Variants in RIMS2 observed in about 807,000 individuals in gnomAD.
The protein encoded by RIMS2 is regulating synaptic membrane exocytosis protein 2.
In RIMS2, 59 loss-of-function variants were observed where a neutral mutation model predicts 174.4. The ratio of observed to expected loss-of-function variants is 0.34; its 90% CI spans 0.27 to 0.42. The LOEUF (loss-of-function observed/expected upper bound fraction) is 0.42, where lower values mean the gene tolerates loss of function less well. RIMS2 is among the 10% of genes least tolerant of loss of function. RIMS2 has a pLI of 1.00. For missense variants in RIMS2, 1,620 were observed against 1,666.3 expected (o/e 0.97, Z 0.48); for synonymous variants, 606 against 572.5 (o/e 1.06, Z -0.84).
chr8:103,914,384 C>G (rs775644713), intron 6 of RIMS2, among the ~76,000 whole-genome samples: 5 of 152,028 alleles, frequency 3.3e-5, no homozygotes, highest in South Asian at 2.1e-4. Context: ...CTTACCTGTT[C>G]GATGAGGATA....
At chr8:104,032,015 G>GA (rs1335251706) in intron 19 of RIMS2, among the ~76,000 whole-genome samples, 2 of 151,840 alleles carry the variant, frequency 1.3e-5, no homozygotes, top group South Asian at 2.1e-4. Flanking sequence ...GTCCTTTAGG[G>GA]AAAAAATGAC....
chr8:104,001,886 T>C (rs996002438), intron 17 of RIMS2, among the ~76,000 whole-genome samples: 1 of 152,072 alleles, frequency 6.6e-6, no homozygotes, highest in African/African-American at 2.4e-5. Context: ...GTTGCTGTCA[T>C]TTGTTGAGCT....
intron 19 of RIMS2, among the ~76,000 whole-genome samples, chr8:104,028,381 A>G (rs1001153346): frequency 1.3e-5 from 2 of 152,174 alleles, no homozygotes; most frequent in Non-Finnish European, 2.9e-5. Context: ...TTAATCTACA[A>G]GTTAAAGATG....
At chr8:103,506,069 A>G (rs1017700903) in intron 1 of RIMS2, among the ~76,000 whole-genome samples, 27 of 152,104 alleles carry the variant, frequency 1.8e-4, no homozygotes, top group Non-Finnish European at 3.7e-4. Context: ...AAAAGTACCA[A>G]TTGAATCATG....
intron 3 of RIMS2, among the ~76,000 whole-genome samples, chr8:103,823,356 A>G (rs1242655985): frequency 2.0e-5 from 3 of 151,926 alleles, no homozygotes; most frequent in Non-Finnish European, 4.4e-5. Context: ...TAAGATAACC[A>G]TACGATCCAC....
chr8:103,700,059 A>G (rs192475808), intron 2 of RIMS2, among the ~76,000 whole-genome samples: 2 of 152,324 alleles, frequency 1.3e-5, no homozygotes, highest in East Asian at 3.9e-4. Context: ...TTTGGCCAGA[A>G]TATTTTAAAA....
intron 19 of RIMS2, among the ~76,000 whole-genome samples, chr8:104,182,327 T>C (rs2098944643): frequency 6.6e-6 from 1 of 151,822 alleles, no homozygotes; most frequent in African/African-American, 2.4e-5. Flanking sequence ...CATTGTACTT[T>C]TAACAATGTA....
rs1236871453 is a variant in RIMS2 at position 103,918,684 on chromosome 8, T to A, written c.2083+197T>A. 3.3e-5 allele frequency: 18 copies of A among 548,910 alleles called. No homozygotes were observed. The South Asian group carries it at 4.0e-4, about 12-fold the overall frequency. 34.0% of individuals were successfully genotyped at this position (548,910 alleles called of 1,614,324 possible). A position where few individuals can be genotyped will look rare whatever the true frequency, so the allele number is the denominator to read the frequency against. The stretch of plus-strand genomic sequence containing the variant: ...CAAAAATGTAGAATATTTTAAGTTT[T>A]TTTTAAACATGTCTTATTACAGATT... On this transcript the variant is annotated intron_variant, in intron 9 of 23. Transcript: ENST00000504942.
intron 19 of RIMS2, among the ~76,000 whole-genome samples, chr8:104,184,089 A>G (rs1486389592): frequency 6.6e-6 from 1 of 151,630 alleles, no homozygotes; most frequent in African/African-American, 2.4e-5. Flanking sequence ...AAGGAAAAGA[A>G]CAATGTGCTA....
intron 2 of RIMS2, among the ~76,000 whole-genome samples, chr8:103,762,978 A>G (rs978454380): frequency 2.6e-5 from 4 of 152,174 alleles, no homozygotes; most frequent in African/African-American, 9.7e-5. Flanking sequence ...CCACCCTTCT[A>G]TATATGGTCT....
exon 22 of RIMS2, chr8:104,249,554 C>T: frequency 1.2e-6 from 2 of 1,611,622 alleles, no homozygotes; most frequent in African/African-American, 1.3e-5. Flanking sequence ...GGGCCCGTGG[C>T]CTTGTTGTAA....
intron 13 of RIMS2, among the ~76,000 whole-genome samples, chr8:103,941,478 C>A (rs890668704): frequency 6.6e-6 from 1 of 151,920 alleles, no homozygotes; most frequent in Admixed American, 6.6e-5. Context: ...CATAGCAAGA[C>A]CCTGTCTCAA....
intron 19 of RIMS2, among the ~76,000 whole-genome samples, chr8:104,119,753 G>A (rs555407429): frequency 6.6e-6 from 1 of 152,124 alleles, no homozygotes; most frequent in South Asian, 2.1e-4. Flanking sequence ...GCTCCGTGAG[G>A]GCCAATTTAC....
chr8:104,039,994 C>T, intron 19 of RIMS2, among the ~76,000 whole-genome samples: 1 of 151,506 alleles, frequency 6.6e-6, no homozygotes, highest in Non-Finnish European at 1.5e-5. Context: ...AATGTCATTT[C>T]TTTTCCAGTT....
At chr8:103,898,548 T>A (rs1030612626) in intron 4 of RIMS2, among the ~76,000 whole-genome samples, 1 of 151,498 alleles carries the variant, frequency 6.6e-6, no homozygotes, top group African/African-American at 2.4e-5. Context: ...TTTTTTAGGA[T>A]GTATCAATGC....
chr8:103,957,264 G>A (rs973494921), intron 14 of RIMS2, among the ~76,000 whole-genome samples: 3 of 152,116 alleles, frequency 2.0e-5, no homozygotes, highest in Admixed American at 6.5e-5. Context: ...ATACCCAAAG[G>A]ATTATGAATC....
chr8:103,548,103 T>G (rs933667909), intron 1 of RIMS2, among the ~76,000 whole-genome samples: 6 of 152,166 alleles, frequency 3.9e-5, no homozygotes, highest in Non-Finnish European at 7.4e-5. Context: ...CTGGTACAAT[T>G]TCTGCTGAAA....
chr8:103,611,920 C>T (rs1413794610), intron 1 of RIMS2, among the ~76,000 whole-genome samples: 1 of 151,608 alleles, frequency 6.6e-6, no homozygotes, highest in Admixed American at 6.6e-5. Flanking sequence ...TAGATTTGCC[C>T]TTTTCAGTCT....
At chr8:104,049,311 C>A (rs1220230882) in intron 19 of RIMS2, among the ~76,000 whole-genome samples, 1 of 151,786 alleles carries the variant, frequency 6.6e-6, no homozygotes, top group East Asian at 1.9e-4. Context: ...CCCAGCTACT[C>A]GGGAGGCTGA....
Sources: gnomAD v4.1 joint callset for allele counts (sites outside exome capture counted in the v4.1 genomes callset) on GRCh38, gnomAD v4.1.1 for gene constraint, MANE v1.5 for transcripts, NCBI Gene and HGNC (gene_info 2026-07-23, HGNC 2026-07-21) for gene names.